Variants in THEMIS observed in about 807,000 individuals in gnomAD.
The protein encoded by THEMIS is protein THEMIS.
THEMIS carries 37 observed loss-of-function variants against 52.6 expected under a neutral mutation model. The ratio of observed to expected loss-of-function variants is 0.70; its 90% CI spans 0.54 to 0.93. The LOEUF (loss-of-function observed/expected upper bound fraction) is 0.93. THEMIS is among the 40% of genes least tolerant of loss of function. The probability of loss-of-function intolerance (pLI) is 0.00; values close to 1 mark genes in which losing one functional copy is unlikely to be tolerated. For synonymous variants in THEMIS, 292 were observed against 272.7 expected, an observed-to-expected ratio of 1.07 and a Z score of -0.70; for missense variants, 808 against 763.1, an observed-to-expected ratio of 1.06 and a Z score of -0.69.
At chr6:127,725,397 T>A (rs1337844188) in intron 4 of THEMIS, among the ~76,000 whole-genome samples, 1 of 151,968 alleles carries the variant, frequency 6.6e-6, no homozygotes, top group Non-Finnish European at 1.5e-5. Flanking sequence ...ATTATCATTG[T>A]AGAAATGCAT....
At chr6:127,893,234 A>G (rs1252369388) in intron 1 of THEMIS, among the ~76,000 whole-genome samples, 1 of 152,088 alleles carries the variant, frequency 6.6e-6, no homozygotes, top group South Asian at 2.1e-4. Flanking sequence ...ATGTTGGTAT[A>G]TGTAACAGTA....
At position 127,900,850 on chromosome 6, in the gene THEMIS, T is replaced by G; in HGVS notation, c.83A>C (p.Tyr28Ser). 3 of 1,612,888 alleles carry G rather than the reference T, an allele frequency of 1.9e-6. No homozygotes were observed. The highest frequency in any genetic ancestry group is 1.7e-6 in the Non-Finnish European group (2 of 1,179,186). ...TATTGGAGAGTGCTTACCTTCAAGA[T>G]AGATGCCTGCCTGGATTTCTAGAAC... The part of the protein sequence containing the change: ...PRVLEIQAGI[Y>S]LEGSIYEMFG... Residue 28 changes from tyrosine to serine, a missense_variant, in exon 1 of 6, where the codon TAT (tyrosine) becomes TCT (serine). Transcript: ENST00000368248.
chr6:127,851,305 C>T (rs151030696), intron 2 of THEMIS, among the ~76,000 whole-genome samples: 12 of 151,608 alleles, frequency 7.9e-5, no homozygotes, highest in African/African-American at 2.9e-4. Flanking sequence ...TAATACACTT[C>T]AAGTAGACTA....
chr6:127,809,655 C>G (rs972246567), intron 4 of THEMIS, among the ~76,000 whole-genome samples: 3 of 151,986 alleles, frequency 2.0e-5, no homozygotes, highest in African/African-American at 7.2e-5. Context: ...GATTCCCTGA[C>G]AATATCACTG....
In THEMIS at chr6:127,708,873, A is replaced by T. The variant is rs1336771897; in HGVS notation, c.*1112T>A. 6.6e-6 allele frequency: 1 copy of T among 152,052 alleles called. No homozygotes were observed. The highest frequency in any genetic ancestry group is 1.5e-5 in the Non-Finnish European group (1 of 67,950). 9.4% of individuals were successfully genotyped at this position (152,052 alleles called of 1,614,324 possible). A position where few individuals can be genotyped will look rare whatever the true frequency, so the allele number is the denominator to read the frequency against. ...TGGTACAAAATCAACAAATTTCTCC[A>T]CAAAACATAAAATAATTATGAGATA... is the stretch of plus-strand genomic sequence containing the variant. On this transcript the variant is annotated 3_prime_UTR_variant, in exon 6 of 6. Transcript: ENST00000368248.
chr6:127,835,351 G>A (rs1778841240), intron 2 of THEMIS, among the ~76,000 whole-genome samples: 1 of 152,008 alleles, frequency 6.6e-6, no homozygotes, highest in Non-Finnish European at 1.5e-5. Flanking sequence ...TATTAGCCTG[G>A]GTTTTAATTC....
At position 127,813,047 on chromosome 6, in the gene THEMIS, C is replaced by A. The variant is rs760152497; in HGVS notation, c.1594G>T (p.Val532Leu). The A allele has an allele frequency of 1.3e-5, 21 of 1,613,970 alleles. No homozygotes were observed. In the African/African-American group the frequency reaches 2.3e-4, roughly 17 times the overall value. The change falls in exon 4 of 6, where the codon GTA (valine) becomes TTA (leucine). Residue 532 changes from valine to leucine, a missense_variant. Transcript: ENST00000368248. ...TATTGCTCTTCAGTGATCTCTTCTA[C>A]CAGAGTCCTGACTAGAAATGGTTCT... is the stretch of plus-strand genomic sequence containing the variant. The part of the protein sequence containing the change: ...DAEPFLVRTL[V>L]EEITEEQYYM...
chr6:127,891,752 A>C (rs1780818273), intron 1 of THEMIS, among the ~76,000 whole-genome samples: 1 of 152,092 alleles, frequency 6.6e-6, no homozygotes, highest in South Asian at 2.1e-4. Context: ...CTCAAATGGC[A>C]ATCAGGTCTT....
At chr6:127,731,760 C>T (rs1405620302) in intron 4 of THEMIS, among the ~76,000 whole-genome samples, 2 of 142,162 alleles carry the variant, frequency 1.4e-5, no homozygotes, top group Admixed American at 7.2e-5. Context: ...TGCAGCGGCG[C>T]GATCTTGGCT....
intron 4 of THEMIS, among the ~76,000 whole-genome samples, chr6:127,789,941 G>T (rs987788751): frequency 6.6e-6 from 1 of 152,188 alleles, no homozygotes; most frequent in Non-Finnish European, 1.5e-5. Flanking sequence ...GCAAAAGCTG[G>T]AAGTATTCCC....
chr6:127,760,692 A>G (rs1011737866), intron 4 of THEMIS, among the ~76,000 whole-genome samples: 2 of 152,000 alleles, frequency 1.3e-5, no homozygotes, highest in Non-Finnish European at 2.9e-5. Flanking sequence ...CCGGAGGATG[A>G]TTTGGGACCA....
intron 4 of THEMIS, among the ~76,000 whole-genome samples, chr6:127,748,846 T>C (rs1775539147): frequency 6.6e-6 from 1 of 152,066 alleles, no homozygotes; most frequent in Non-Finnish European, 1.5e-5. Flanking sequence ...CTTTATTGAG[T>C]TAAAATTTGA....
chr6:127,825,825 A>C (rs1778488787), intron 3 of THEMIS, among the ~76,000 whole-genome samples: 1 of 151,672 alleles, frequency 6.6e-6, no homozygotes, highest in Admixed American at 6.6e-5. Context: ...GCCTTTTTTT[A>C]TAGAGTTGAA....
intron 4 of THEMIS, among the ~76,000 whole-genome samples, chr6:127,785,708 C>G (rs1167656950): frequency 6.6e-6 from 1 of 151,746 alleles, no homozygotes; most frequent in African/African-American, 2.4e-5. Flanking sequence ...CTTAAGAATA[C>G]TACAAATATA....
intron 1 of THEMIS, among the ~76,000 whole-genome samples, chr6:127,863,159 A>G (rs1219346384): frequency 6.6e-6 from 1 of 152,212 alleles, no homozygotes; most frequent in Non-Finnish European, 1.5e-5. Context: ...TCACAATTGT[A>G]TATAACCCAA....
At chr6:127,720,237 T>C (rs1289536750) in intron 4 of THEMIS, among the ~76,000 whole-genome samples, 10 of 151,970 alleles carry the variant, frequency 6.6e-5, no homozygotes, top group Non-Finnish European at 1.3e-4. Flanking sequence ...ATCTGTACTC[T>C]TTATATAAAA....
intron 2 of THEMIS, among the ~76,000 whole-genome samples, chr6:127,835,758 G>C (rs772449306): frequency 2.0e-5 from 3 of 152,118 alleles, no homozygotes; most frequent in Non-Finnish European, 4.4e-5. Flanking sequence ...AAATTTCCAG[G>C]AATGATAATT....
intron 4 of THEMIS, among the ~76,000 whole-genome samples, chr6:127,762,359 T>C (rs1776050223): frequency 6.6e-6 from 1 of 152,016 alleles, no homozygotes; most frequent in Admixed American, 6.6e-5. Context: ...TTATATTGTA[T>C]AGGTAAAAAT....
chr6:127,738,486 G>A (rs143499373), intron 4 of THEMIS, among the ~76,000 whole-genome samples: 216 of 152,258 alleles, frequency 1.4e-3, no homozygotes, highest in Non-Finnish European at 2.4e-3. Flanking sequence ...TACAACTAGA[G>A]TTGTCAATTT....
Sources: gnomAD v4.1 joint callset for allele counts (sites outside exome capture counted in the v4.1 genomes callset) on GRCh38, gnomAD v4.1.1 for gene constraint, MANE v1.5 for transcripts, NCBI Gene and HGNC (gene_info 2026-07-23, HGNC 2026-07-21) for gene names.